Variants in ZNF208 observed in about 807,000 individuals in gnomAD.
The protein encoded by ZNF208 is zinc finger protein 208, also known as zinc finger protein 95.
Under a neutral mutation model 12.1 loss-of-function variants are expected in ZNF208, and 10 were observed. The observed-to-expected ratio is 0.83, with a 90% CI of 0.51 to 1.40. The LOEUF is 1.40. ZNF208 is among the 40% of genes most tolerant of loss of function. The pLI is 0.00. For synonymous variants in ZNF208, 497 were observed against 488.4 expected, an observed-to-expected ratio of 1.02 and a Z score of -0.23; for missense variants, 1,652 against 1,485.0, an observed-to-expected ratio of 1.11 and a Z score of -1.85.
At chr19:21,965,506 T>C (rs372272062), downstream of ZNF208, among the ~76,000 whole-genome samples, 37 of 152,170 alleles carry the variant, frequency 2.4e-4, no homozygotes, top group East Asian at 6.2e-3. Context: ...TTTGTTCAAC[T>C]ACAGACTTTC....
intron 4 of ZNF208, among the ~76,000 whole-genome samples, chr19:21,951,785 A>G (rs901852704): frequency 1.3e-5 from 2 of 152,202 alleles, no homozygotes; most frequent in African/African-American, 4.8e-5. Context: ...GGCTCATCTC[A>G]CTGGGACTGG....
At chr19:21,993,215 G>A (rs2145572964) in intron 1 of ZNF208, among the ~76,000 whole-genome samples, 1 of 152,070 alleles carries the variant, frequency 6.6e-6, no homozygotes, top group Non-Finnish European at 1.5e-5. Flanking sequence ...CCCTGACACA[G>A]GCACCAGCAA....
chr19:21,952,868 T>A (rs1393977694), intron 4 of ZNF208, among the ~76,000 whole-genome samples: 1 of 152,070 alleles, frequency 6.6e-6, no homozygotes, highest in African/African-American at 2.4e-5. Flanking sequence ...GTAACAAACT[T>A]CTGAGCTAAA....
At chr19:22,008,490 C>T (rs1478319993) in intron 1 of ZNF208, among the ~76,000 whole-genome samples, 2 of 151,978 alleles carry the variant, frequency 1.3e-5, no homozygotes, top group African/African-American at 2.4e-5. Context: ...CTGAACTATG[C>T]CCCAGTGAGT....
At chr19:21,996,127 A>C (rs2145575795) in intron 1 of ZNF208, among the ~76,000 whole-genome samples, 1 of 152,318 alleles carries the variant, frequency 6.6e-6, no homozygotes, top group South Asian at 2.1e-4. Context: ...ATAATATTTT[A>C]CCTTAAAAAA....
At chr19:21,975,647 GA>G (rs1970416026) in intron 3 of ZNF208, among the ~76,000 whole-genome samples, 1 of 151,744 alleles carries the variant, frequency 6.6e-6, no homozygotes, top group South Asian at 2.1e-4. Context: ...TTTTCAGAAA[GA>G]ACCCATTAGC....
chr19:21,989,635 C>T (rs909333564), intron 1 of ZNF208, among the ~76,000 whole-genome samples: 2 of 152,092 alleles, frequency 1.3e-5, no homozygotes, highest in Non-Finnish European at 2.9e-5. Flanking sequence ...ATTTCTAGTT[C>T]TAGATCCCTG....
At chr19:21,984,542 A>C (rs916564904) in intron 3 of ZNF208, among the ~76,000 whole-genome samples, 2 of 152,082 alleles carry the variant, frequency 1.3e-5, no homozygotes, top group African/African-American at 4.8e-5. Flanking sequence ...ATAGAGTAAG[A>C]CTCTGTCTCA....
rs751344467 is a variant in ZNF208 at position 21,971,304 on chromosome 19, T to C, written c.3730A>G (p.Lys1244Glu). ...FSTFSILTKH[K>E]VIHTGEKPYK... ...GGTTTCTCTCCAGTATGAATTACCT[T>C]ATGTTTAGTGAGGATTGAGAACGTA... The change falls in exon 4 of 4, where the codon AAG becomes GAG. Residue 1244 changes from lysine (K) to glutamate (E), a missense_variant. Lys to Glu is a moderately conservative substitution (Grantham distance 56, BLOSUM62 1). Around this residue, in one of 3 missense-constraint regions of ZNF208, gnomAD observed 1,239 missense variants for 1,086.2 expected, o/e 1.14. Transcript: ENST00000397126. 5.0e-6 allele frequency: 8 copies of C among 1,611,916 alleles called. No individual in the cohort carries two copies. Among genetic ancestry groups the C allele is most frequent in the African/African-American group, 2.7e-5 (2 of 74,890 alleles).
chr19:21,996,732 T>C (rs1484986818), intron 1 of ZNF208, among the ~76,000 whole-genome samples: 2 of 152,214 alleles, frequency 1.3e-5, no homozygotes, highest in Non-Finnish European at 2.9e-5. Flanking sequence ...TCAGTGCACA[T>C]ATTTTACTCT....
At chr19:21,981,611 G>C (rs1311206579) in intron 3 of ZNF208, among the ~76,000 whole-genome samples, 1 of 152,118 alleles carries the variant, frequency 6.6e-6, no homozygotes, top group Non-Finnish European at 1.5e-5. Flanking sequence ...CATACTGAAT[G>C]GTCAAAAACT....
Position 21,972,180 on chromosome 19 carries a change from T to G in ZNF208, c.2854A>C (p.Lys952Gln). 6.2e-7 allele frequency: 1 copy of G among 1,608,524 alleles called. No individual in the cohort carries two copies. The highest frequency in any genetic ancestry group is 1.7e-4 in the Middle Eastern group (1 of 6,016). ...AGGGTTGAGGATGACTTATAGGCTT[T>G]GCCACATGCTTCACATTTGTAGAAT... ...EKFYKCEACG[K>Q]AYKSSSTLSY... Residue 952 changes from lysine to glutamine, a missense_variant, in exon 4 of 4, where the codon AAA becomes CAA. Transcript: ENST00000397126.
At position 21,972,754 on chromosome 19, in the gene ZNF208, C is replaced by T. The variant is rs1324590185; in HGVS notation, c.2280G>A (p.Trp760Ter). ...KCEECGKAYK[W>*]SSTLSYHKKI... is the part of the protein sequence containing the mutation. ...TCTTATGATAACTAAGGGTTGAGGA[C>T]CACTTATAGGCTTTGCCACATTCTT... Residue 760 changes from tryptophan to a stop codon, truncating the protein, a stop_gained, in exon 4 of 4, where the codon TGG (tryptophan) becomes TGA (stop). Transcript: ENST00000397126. LOFTEE classifies it low-confidence loss of function (END_TRUNC). 3.8e-6 allele frequency: 6 copies of T among 1,588,084 alleles called. No individual in the cohort carries two copies. Among genetic ancestry groups the T allele is most frequent in the African/African-American group, 2.7e-5 (2 of 73,236 alleles).
At chr19:21,979,071 G>A (rs1304418159) in intron 3 of ZNF208, among the ~76,000 whole-genome samples, 2 of 152,162 alleles carry the variant, frequency 1.3e-5, no homozygotes, top group African/African-American at 2.4e-5. Flanking sequence ...AGAAATATGG[G>A]ACTATGTGAA....
chr19:21,963,616 C>G (rs992468923), downstream of ZNF208, among the ~76,000 whole-genome samples: 2 of 151,958 alleles, frequency 1.3e-5, no homozygotes, highest in Admixed American at 1.3e-4. Flanking sequence ...TTTAATTGAA[C>G]TGTCATTTGC....
chr19:21,973,741 G>T lies in ZNF208; in HGVS notation c.1293C>A (p.Gly431=), dbSNP rs4550599. 1 of 1,612,964 alleles carries T rather than the reference G, an allele frequency of 6.2e-7. No homozygotes were observed. Among genetic ancestry groups the T allele is most frequent in the South Asian group, 1.1e-5 (1 of 91,014 alleles). Residue 431 remains glycine, a synonymous_variant, in exon 4 of 4, where the codon GGC becomes GGA. Transcript: ENST00000397126. ...GGTTTGAGGACCAGTTGAAAGCTTT[G>T]CCACATTCTTCACATTTGTAGGGTT... ...GEKPYKCEEC[G]KAFNWSSNLM... is the part of the protein sequence containing the mutation.
downstream of ZNF208, among the ~76,000 whole-genome samples, chr19:21,963,453 A>G (rs1258484873): frequency 6.6e-6 from 1 of 152,006 alleles, no homozygotes. Context: ...GTTCCCAGTA[A>G]TTACTCTGAA....
chr19:21,971,255 T>C lies in ZNF208; in HGVS notation c.3779A>G (p.Lys1260Arg). 6.2e-7 allele frequency: 1 copy of C among 1,612,646 alleles called. No homozygotes were observed. The highest frequency in any genetic ancestry group is 2.2e-5 in the East Asian group (1 of 44,844). The stretch of plus-strand genomic sequence containing the variant: ...GAAGACTGATAACCAGCTGAAGGCT[T>C]TGCCACATTCTTCACATTTGTAGGG... ...EKPYKCEECG[K>R]AFSWLSVFSK... Residue 1260 changes from lysine to arginine, a missense_variant, in exon 4 of 4, where the codon AAA (lysine) becomes AGA (arginine). Coordinates refer to ENST00000397126, the MANE Select transcript of ZNF208 (RefSeq NM_007153.3).
chr19:22,004,003 T>TA (rs889344097), intron 1 of ZNF208, among the ~76,000 whole-genome samples: 18 of 145,528 alleles, frequency 1.2e-4, no homozygotes, highest in South Asian at 4.4e-4. Context: ...ATCCCATCTA[T>TA]AAAAAAAAAA....
Sources: gnomAD v4.1 joint callset for allele counts (sites outside exome capture counted in the v4.1 genomes callset) on GRCh38, gnomAD v4.1.1 for gene constraint, gnomAD v4.1.1 regional missense constraint, MANE v1.5 for transcripts, NCBI Gene and HGNC (gene_info 2026-07-23, HGNC 2026-07-21) for gene names.